Variants in NAALADL2 observed in about 807,000 individuals in gnomAD.
NAALADL2 encodes N-acetylated alpha-linked acidic dipeptidase like 2, also known as inactive N-acetylated-alpha-linked acidic dipeptidase-like protein 2.
In NAALADL2, 76 loss-of-function variants were observed where a neutral mutation model predicts 87.2. That is an observed-to-expected ratio of 0.87 (90% CI 0.72 to 1.05). The LOEUF (loss-of-function observed/expected upper bound fraction) is 1.05, where lower values mean the gene tolerates loss of function less well. Ranked by LOEUF, NAALADL2 falls within the 50% of genes least tolerant of loss-of-function variation. The pLI is 0.00. For missense variants in NAALADL2, 1,089 were observed against 945.8 expected (o/e 1.15, Z -1.99); for synonymous variants, 354 against 331.0 (o/e 1.07, Z -0.75).
intron 13 of NAALADL2, among the ~76,000 whole-genome samples, chr3:175,784,410 C>A (rs1164846807): frequency 7.1e-4 from 105 of 148,440 alleles, no homozygotes; most frequent in Middle Eastern, 3.6e-3. Flanking sequence ...AGAGATTCAA[C>A]TTCTTCCTGG....
chr3:175,646,991 A>G (rs1730097618), intron 11 of NAALADL2, among the ~76,000 whole-genome samples: 1 of 152,144 alleles, frequency 6.6e-6, no homozygotes, highest in Non-Finnish European at 1.5e-5. Flanking sequence ...TTTCCACTTC[A>G]TGATGACTCA....
chr3:174,837,071 G>T (rs937139899), intron 3 of NAALADL2, among the ~76,000 whole-genome samples: 5 of 151,838 alleles, frequency 3.3e-5, no homozygotes, highest in African/African-American at 1.2e-4. Context: ...GACAATCTAA[G>T]GTCACACTTA....
upstream of NAALADL2, chr3:174,859,277 T>G: frequency 1.5e-6 from 1 of 672,406 alleles, no homozygotes; most frequent in South Asian, 1.9e-5. Context: ...AGCAGAATGG[T>G]AATTATTCAC....
intron 5 of NAALADL2, among the ~76,000 whole-genome samples, chr3:175,377,624 C>T (rs1489760376): frequency 1.3e-5 from 2 of 152,152 alleles, no homozygotes; most frequent in Non-Finnish European, 2.9e-5. Flanking sequence ...GTGACCATGG[C>T]CCACAGTGAG....
chr3:175,323,451 C>T (rs1360198687), intron 4 of NAALADL2, among the ~76,000 whole-genome samples: 1 of 151,278 alleles, frequency 6.6e-6, no homozygotes, highest in Non-Finnish European at 1.5e-5. Context: ...AACTAACCTG[C>T]ACAATGTGCA....
chr3:174,891,518 G>A (rs533470269), intron 1 of NAALADL2, among the ~76,000 whole-genome samples: 1 of 152,192 alleles, frequency 6.6e-6, no homozygotes, highest in African/African-American at 2.4e-5. Flanking sequence ...ACATTTGTGA[G>A]GCATTGAACT....
chr3:174,993,834 C>T (rs1747066283), intron 1 of NAALADL2, among the ~76,000 whole-genome samples: 1 of 152,178 alleles, frequency 6.6e-6, no homozygotes. Flanking sequence ...GGTCCATGCT[C>T]TTTGAAGACT....
At chr3:174,880,739 G>A (rs535085714) in intron 1 of NAALADL2, among the ~76,000 whole-genome samples, 17 of 151,948 alleles carry the variant, frequency 1.1e-4, no homozygotes, top group Middle Eastern at 3.4e-3. Context: ...AGATATATTC[G>A]TTTCTTCAGG....
intron 5 of NAALADL2, among the ~76,000 whole-genome samples, chr3:175,356,698 T>G (rs911636216): frequency 5.9e-5 from 9 of 151,794 alleles, no homozygotes; most frequent in African/African-American, 2.2e-4. Flanking sequence ...CTAATTGATG[T>G]TATAGAAGAA....
intron 5 of NAALADL2, among the ~76,000 whole-genome samples, chr3:175,404,810 T>C (rs563079765): frequency 1.3e-5 from 2 of 152,196 alleles, no homozygotes; most frequent in Non-Finnish European, 2.9e-5. Context: ...AGCACTTTAC[T>C]ACTATCCATG....
intron 1 of NAALADL2, among the ~76,000 whole-genome samples, chr3:174,987,533 C>T (rs1168681394): frequency 8.7e-6 from 1 of 114,758 alleles, no homozygotes; most frequent in African/African-American, 3.8e-5. Context: ...TGCGCCACTG[C>T]ACTCCAGCCT....
intron 5 of NAALADL2, among the ~76,000 whole-genome samples, chr3:175,389,770 A>T (rs1489632860): frequency 6.6e-6 from 1 of 152,204 alleles, no homozygotes; most frequent in African/African-American, 2.4e-5. Context: ...TCCAGAAGTC[A>T]GGTCAAAGAG....
chr3:175,617,262 C>T (rs1197319317), intron 10 of NAALADL2, among the ~76,000 whole-genome samples: 1 of 152,172 alleles, frequency 6.6e-6, no homozygotes, highest in Non-Finnish European at 1.5e-5. Context: ...ACCTTCCTTC[C>T]TTCGACCTCC....
intron 3 of NAALADL2, among the ~76,000 whole-genome samples, chr3:174,803,840 G>C (rs2109262044): frequency 6.6e-6 from 1 of 152,094 alleles, no homozygotes; most frequent in South Asian, 2.1e-4. Flanking sequence ...TATCTGTTTT[G>C]GTCCCAGTAC....
intron 3 of NAALADL2, among the ~76,000 whole-genome samples, chr3:174,845,856 G>C (rs1003830898): frequency 6.6e-6 from 1 of 152,164 alleles, no homozygotes; most frequent in African/African-American, 2.4e-5. Flanking sequence ...TGTTAACTTA[G>C]TGGAATGACA....
At chr3:175,165,943 A>T (rs1733935625) in intron 2 of NAALADL2, among the ~76,000 whole-genome samples, 1 of 151,832 alleles carries the variant, frequency 6.6e-6, no homozygotes, top group African/African-American at 2.4e-5. Context: ...CTCAGGAATA[A>T]CTATGTGGAC....
At chr3:175,363,805 T>C (rs895403586) in intron 5 of NAALADL2, among the ~76,000 whole-genome samples, 1 of 148,212 alleles carries the variant, frequency 6.7e-6, no homozygotes, top group African/African-American at 2.4e-5. Flanking sequence ...GCTTTGACTT[T>C]AACTCAAGAC....
intron 2 of NAALADL2, among the ~76,000 whole-genome samples, chr3:174,629,781 G>A (rs1263127095): frequency 6.6e-6 from 1 of 152,136 alleles, no homozygotes; most frequent in Non-Finnish European, 1.5e-5. Context: ...ACGTATGTAT[G>A]CGTATGTTAC....
At chr3:175,734,226 G>A (rs1210018216) in intron 11 of NAALADL2, among the ~76,000 whole-genome samples, 2 of 152,152 alleles carry the variant, frequency 1.3e-5, no homozygotes, top group Non-Finnish European at 1.5e-5. Flanking sequence ...ATATTTGCTT[G>A]GGCATTCAGG....
Sources: gnomAD v4.1 joint callset for allele counts (sites outside exome capture counted in the v4.1 genomes callset) on GRCh38, gnomAD v4.1.1 for gene constraint, MANE v1.5 for transcripts, NCBI Gene and HGNC (gene_info 2026-07-23, HGNC 2026-07-21) for gene names.